Variants in ASAP1 observed in about 807,000 individuals in gnomAD.
The protein encoded by ASAP1 is ArfGAP with SH3 domain, ankyrin repeat and PH domain 1.
A neutral mutation model predicts 145.2 loss-of-function variants in ASAP1; 43 were observed. The observed-to-expected ratio is 0.30, with a 90% CI of 0.23 to 0.38. The LOEUF is 0.38. Among genes scored for constraint, ASAP1 ranks in the 10% least tolerant of loss-of-function variants. ASAP1 has a pLI of 1.00. For synonymous variants in ASAP1, 546 were observed against 515.5 expected, an observed-to-expected ratio of 1.06 and a Z score of -0.80; for missense variants, 1,018 against 1,355.3, an observed-to-expected ratio of 0.75 and a Z score of 3.91.
chr8:130,318,474 C>T (rs72724433), intron 3 of ASAP1, among the ~76,000 whole-genome samples: 27,709 of 152,212 alleles, frequency 0.18, 3,195 homozygotes, highest in East Asian at 0.44. Context: ...TACTATGTGC[C>T]AGATACCATA....
intron 1 of ASAP1, among the ~76,000 whole-genome samples, chr8:130,421,459 C>T (rs1829714095): frequency 6.6e-6 from 1 of 152,198 alleles, no homozygotes; most frequent in African/African-American, 2.4e-5. Context: ...TCCCAGACTC[C>T]CTTGCAGCTG....
intron 13 of ASAP1, among the ~76,000 whole-genome samples, chr8:130,149,964 G>T (rs544292870): frequency 6.6e-6 from 1 of 152,296 alleles, no homozygotes; most frequent in East Asian, 1.9e-4. Context: ...CTGCTCTGGG[G>T]GCAGGAGAGT....
intron 27 of ASAP1, among the ~76,000 whole-genome samples, chr8:130,061,364 G>T (rs2097419172): frequency 6.6e-6 from 1 of 152,098 alleles, no homozygotes; most frequent in Non-Finnish European, 1.5e-5. Flanking sequence ...AAAGTACAGA[G>T]TTCTTAAGCC....
chr8:130,401,313 T>A (rs1828785948), intron 2 of ASAP1, among the ~76,000 whole-genome samples: 2 of 152,124 alleles, frequency 1.3e-5, no homozygotes, highest in Admixed American at 6.6e-5. Flanking sequence ...TGGTGCAATC[T>A]TGGCTCACTG....
intron 24 of ASAP1, among the ~76,000 whole-genome samples, chr8:130,101,894 AGTTT>A (rs1015519195): frequency 6.6e-6 from 1 of 151,662 alleles, no homozygotes; most frequent in African/African-American, 2.4e-5. Flanking sequence ...TTTTAAAGCT[AGTTT>A]GTTACTGGTG....
chr8:130,355,666 G>C (rs1826261755), intron 3 of ASAP1, among the ~76,000 whole-genome samples: 1 of 152,094 alleles, frequency 6.6e-6, no homozygotes, highest in Admixed American at 6.5e-5. Context: ...TATTTTTAAA[G>C]AACTGAATTG....
chr8:130,168,041 G>T (rs2097683581), intron 10 of ASAP1, among the ~76,000 whole-genome samples: 1 of 152,164 alleles, frequency 6.6e-6, no homozygotes, highest in South Asian at 2.1e-4. Flanking sequence ...ATGAAATGGG[G>T]ACAAGGGATC....
chr8:130,220,121 T>C (rs1817202847), intron 4 of ASAP1, among the ~76,000 whole-genome samples: 1 of 152,166 alleles, frequency 6.6e-6, no homozygotes, highest in Non-Finnish European at 1.5e-5. Flanking sequence ...AGGTGAATCC[T>C]TTCAGTTCAA....
At chr8:130,265,735 G>A (rs1820203312) in intron 3 of ASAP1, among the ~76,000 whole-genome samples, 1 of 152,136 alleles carries the variant, frequency 6.6e-6, no homozygotes, top group East Asian at 1.9e-4. Context: ...AAAGTAGCCA[G>A]GTGAGGTGGC....
At chr8:130,093,686 A>AAAAAAAAAAAG (rs767063471) in intron 24 of ASAP1, among the ~76,000 whole-genome samples, 39 of 131,972 alleles carry the variant, frequency 3.0e-4, no homozygotes, top group African/African-American at 1.2e-3. Context: ...AAAAAAAAAA[A>AAAAAAAAAAAG]AAAGAAAGCT....
At chr8:130,075,254 C>T (rs1447146577) in intron 27 of ASAP1, among the ~76,000 whole-genome samples, 1 of 152,216 alleles carries the variant, frequency 6.6e-6, no homozygotes. Context: ...GATAAAGACT[C>T]AGCAAACCCA....
At chr8:130,377,935 T>G (rs1219020007) in intron 2 of ASAP1, among the ~76,000 whole-genome samples, 1 of 152,222 alleles carries the variant, frequency 6.6e-6, no homozygotes, top group Admixed American at 6.5e-5. Context: ...TCTCTTCGGA[T>G]TACCCTATTT....
chr8:130,081,929 A>G (rs532605924), intron 25 of ASAP1, among the ~76,000 whole-genome samples: 8 of 152,232 alleles, frequency 5.3e-5, no homozygotes, highest in Admixed American at 3.9e-4. Context: ...TAGTATAATC[A>G]CCCCTCATTT....
At chr8:130,242,058 T>C (rs954025069) in intron 3 of ASAP1, among the ~76,000 whole-genome samples, 25 of 152,114 alleles carry the variant, frequency 1.6e-4, no homozygotes, top group African/African-American at 6.0e-4. Flanking sequence ...CAGGGAATTA[T>C]ACCTACCATC....
intron 3 of ASAP1, among the ~76,000 whole-genome samples, chr8:130,343,855 G>A (rs1268632240): frequency 6.6e-6 from 1 of 152,158 alleles, no homozygotes; most frequent in Non-Finnish European, 1.5e-5. Context: ...TTAATGAAGT[G>A]GAAATGTTCA....
chr8:130,177,403 G>C (rs1479508404), intron 9 of ASAP1, among the ~76,000 whole-genome samples: 1 of 152,334 alleles, frequency 6.6e-6, no homozygotes, highest in East Asian at 1.9e-4. Context: ...AAGTACTGCA[G>C]AATTCAGGAG....
At chr8:130,240,554 T>A (rs1818462404) in intron 3 of ASAP1, among the ~76,000 whole-genome samples, 2 of 152,150 alleles carry the variant, frequency 1.3e-5, no homozygotes, top group Admixed American at 1.3e-4. Flanking sequence ...AAATGGTAGA[T>A]AATATAGGCT....
chr8:130,114,589 C>T (rs1015882943), intron 23 of ASAP1, among the ~76,000 whole-genome samples: 12 of 151,906 alleles, frequency 7.9e-5, no homozygotes, highest in Admixed American at 5.9e-4. Context: ...GTTGCACTAC[C>T]GTATTATGAC....
Position 130,377,237 on chromosome 8 carries a change from G to C in ASAP1, c.60-19094C>G, listed in dbSNP as rs186105882. On this transcript the variant is annotated intron_variant, in intron 2 of 29. Coordinates refer to ENST00000518721, the MANE Select transcript of ASAP1 (RefSeq NM_018482.4). ...GGACTCAGGGGGAAAGGGTAGGAAG[G>C]GGGTGAGGAATAAAAGACTACAAAT... 3.0e-4 allele frequency among the ~76,000 whole-genome samples: 46 copies of C among 152,162 alleles called. No homozygotes were observed. In the South Asian group the frequency reaches 3.3e-3, roughly 11 times the overall value.
Sources: allele counts gnomAD v4.1 joint callset (sites outside exome capture counted in the v4.1 genomes callset), GRCh38; gene constraint gnomAD v4.1.1; transcripts MANE v1.5; gene names NCBI Gene and HGNC (gene_info 2026-07-23, HGNC 2026-07-21).